The following EHD1 variants were observed in gnomAD, a reference collection of about 807,000 sequenced individuals.
EHD1 encodes EH domain containing 1.
Under a neutral mutation model 39.0 loss-of-function variants are expected in EHD1, and 19 were observed. The ratio of observed to expected loss-of-function variants is 0.49; its 90% CI spans 0.34 to 0.72. EHD1 has a LOEUF of 0.72. Ranked by LOEUF, EHD1 falls within the 30% of genes least tolerant of loss-of-function variation. EHD1 has a pLI of 0.01. For synonymous variants in EHD1, 323 were observed against 331.2 expected (o/e 0.98, Z 0.27); for missense variants, 542 against 751.5 (o/e 0.72, Z 3.26).
chr11:64,854,051 C>CA lies in EHD1; in HGVS notation c.*281dup. 1.9e-6 allele frequency: 1 copy of CA among 539,220 alleles called. No homozygotes were observed. Among genetic ancestry groups the CA allele is most frequent in the Non-Finnish European group, 3.2e-6 (1 of 307,900 alleles). 33.4% of individuals were successfully genotyped at this position (539,220 alleles called of 1,614,324 possible). A position where few individuals can be genotyped will look rare whatever the true frequency, so the allele number is the denominator to read the frequency against. ...AAGGCCGGGGGGCAGAGGCCGTGCA[C>CA]ACAGGGCTGGCACACAGGGGAGGCG... On this transcript the variant is annotated 3_prime_UTR_variant, in exon 5 of 5. Coordinates refer to ENST00000320631, the MANE Select transcript of EHD1 (RefSeq NM_006795.4).
chr11:64,876,799 C>A (rs1386929383), intron 1 of EHD1, among the ~76,000 whole-genome samples: 1 of 152,248 alleles, frequency 6.6e-6, no homozygotes, highest in Non-Finnish European at 1.5e-5. Flanking sequence ...GAAGAGGACT[C>A]CGCCTCTTCA....
chr11:64,873,840 C>A (rs570070451), intron 2 of EHD1, among the ~76,000 whole-genome samples: 5 of 151,884 alleles, frequency 3.3e-5, no homozygotes, highest in South Asian at 2.1e-4. Context: ...ACACGCCCAG[C>A]TAATTTTTTC....
chr11:64,860,854 T>G (rs1219023386), intron 2 of EHD1, among the ~76,000 whole-genome samples: 1 of 151,928 alleles, frequency 6.6e-6, no homozygotes, highest in Non-Finnish European at 1.5e-5. Flanking sequence ...GCCCTGTCTC[T>G]ACTGAAAATA....
Position 64,859,775 on chromosome 11 carries a change from T to TG in EHD1, c.915+148dup, listed in dbSNP as rs1943692418. The TG allele has an allele frequency of 9.5e-6, 11 of 1,159,426 alleles. No homozygotes were observed. In the Admixed American group the frequency reaches 1.7e-4, roughly 18 times the overall value. 71.8% of individuals were successfully genotyped at this position (1,159,426 alleles called of 1,614,324 possible). ...CTGCACGCGGGTGCTGACCAAAGAC[T>TG]GGTTTCTATAGAGGGAAACAGCGCA... On this transcript the variant is annotated intron_variant, in intron 3 of 4. Transcript: ENST00000320631.
chr11:64,866,809 T>C (rs966335793), intron 2 of EHD1, among the ~76,000 whole-genome samples: 12 of 152,324 alleles, frequency 7.9e-5, no homozygotes, highest in African/African-American at 2.9e-4. Context: ...CATGTACTCC[T>C]GAACCTAAAA....
chr11:64,860,341 G>A lies in EHD1; in HGVS notation c.503-5C>T. 5 of 1,605,922 alleles carry A rather than the reference G, an allele frequency of 3.1e-6. No homozygotes were observed. Among genetic ancestry groups the A allele is most frequent in the Non-Finnish European group, 4.3e-6 (5 of 1,173,840 alleles). On this transcript the variant is annotated splice_region_variant and splice_polypyrimidine_tract_variant and intron_variant, in intron 2 of 4. Coordinates refer to ENST00000320631, the MANE Select transcript of EHD1 (RefSeq NM_006795.4). ...GGACGGCTGCAAAGTCATAGCCTGG[G>A]GGGAAGAGAAGGGAGAGCTCAGGGG...
At chr11:64,870,866 G>GGAGAACGGT (rs1943821743) in intron 2 of EHD1, among the ~76,000 whole-genome samples, 1 of 152,206 alleles carries the variant, frequency 6.6e-6, no homozygotes, top group Non-Finnish European at 1.5e-5. Context: ...TGCTGACACA[G>GGAGAACGGT]GAGAACGGTA....
At chr11:64,873,679 A>G (rs1436862331) in intron 2 of EHD1, among the ~76,000 whole-genome samples, 1 of 146,012 alleles carries the variant, frequency 6.8e-6, no homozygotes, top group Non-Finnish European at 1.5e-5. Context: ...TTACTCGGAC[A>G]CTTTTTTTTT....
chr11:64,870,475 A>G (rs535642595), intron 2 of EHD1, among the ~76,000 whole-genome samples: 10 of 152,336 alleles, frequency 6.6e-5, no homozygotes, highest in South Asian at 4.1e-4. Flanking sequence ...TGATAACTCA[A>G]TGGAACTCAC....
At chr11:64,855,658 G>C in intron 3 of EHD1, 172 bp from the exon 4 acceptor site, 1 of 903,440 alleles carries the variant, frequency 1.1e-6, no homozygotes, top group East Asian at 2.6e-5. Context: ...AGTCCTAGGA[G>C]CAGACACAAT....
chr11:64,868,217 G>A lies in EHD1; in HGVS notation c.502+6204C>T, dbSNP rs550721103. On this transcript the variant is annotated intron_variant, in intron 2 of 4. Transcript: ENST00000320631. The surrounding 1 kb of genome is among the most constrained non-coding windows in gnomAD (Gnocchi z 4.2). ...TGTCATTCAAGCTGCGTGGGCTTCA[G>A]TATTTCTCGCCCTAGCTCTCCATCA... Among the ~76,000 whole-genome samples, 2 of 152,350 alleles carry A rather than the reference G, an allele frequency of 1.3e-5. No homozygotes were observed. The highest frequency in any genetic ancestry group is 1.3e-4 in the Admixed American group (2 of 15,298).
intron 2 of EHD1, 24 bp downstream of exon 2, chr11:64,874,397 C>T (rs751073114): frequency 2.4e-5 from 37 of 1,567,854 alleles, no homozygotes; most frequent in African/African-American, 6.8e-5. Context: ...ACCAGCAGCC[C>T]GAGCTGTGGT....
In EHD1 at chr11:64,878,536, G is replaced by A; in HGVS notation, c.-72C>T. 1.3e-6 allele frequency: 2 copies of A among 1,491,518 alleles called. No individual in the cohort carries two copies. The highest frequency in any genetic ancestry group is 1.3e-5 in the South Asian group (1 of 76,936). The allele number at this position is 1,491,518 out of a possible 1,614,324, so 92.4% of individuals were successfully genotyped here. ...GAGCGGGGCGAGGGTGCGGAGCCGA[G>A]GCGGGGCCGGCCGGGGCAGGGAATC... On this transcript the variant is annotated 5_prime_UTR_variant, in exon 1 of 5. Coordinates refer to ENST00000320631, the MANE Select transcript of EHD1 (RefSeq NM_006795.4).
At chr11:64,854,893 G>A (rs1359498863) in intron 4 of EHD1, 36 bp from the exon 5 acceptor site, 2 of 1,583,902 alleles carry the variant, frequency 1.3e-6, no homozygotes, top group Admixed American at 1.7e-5. Flanking sequence ...GGCTGGGAAG[G>A]GAGGCCCCTC....
At chr11:64,874,848 G>A (rs1943868725) in intron 1 of EHD1, among the ~76,000 whole-genome samples, 1 of 152,230 alleles carries the variant, frequency 6.6e-6, no homozygotes, top group South Asian at 2.1e-4. Flanking sequence ...TCAGTTCGGA[G>A]GGGAAGCAGA....
upstream of EHD1, chr11:64,878,930 C>T: frequency 9.8e-7 from 1 of 1,015,374 alleles, no homozygotes; most frequent in Non-Finnish European, 1.2e-6. Context: ...CTGGGCCGCG[C>T]GCCTTCCGGC....
chr11:64,872,865 C>G (rs1013098369), intron 2 of EHD1, among the ~76,000 whole-genome samples: 1 of 152,254 alleles, frequency 6.6e-6, no homozygotes, highest in African/African-American at 2.4e-5. Context: ...ATCCTAGCTG[C>G]CGGCTTTGAC....
At chr11:64,878,654 G>C (rs1943918290), upstream of EHD1, 1 of 1,384,768 alleles carries the variant, frequency 7.2e-7, no homozygotes, top group Middle Eastern at 2.7e-4. Context: ...GCCTTTATAG[G>C]GTCGGTCCCT....
chr11:64,869,909 C>T (rs932865956), intron 2 of EHD1, among the ~76,000 whole-genome samples: 3 of 152,264 alleles, frequency 2.0e-5, no homozygotes, highest in Non-Finnish European at 2.9e-5. Flanking sequence ...GCCTCTGGGC[C>T]GGAGGGCTCA....
Sources: allele counts gnomAD v4.1 joint callset (sites outside exome capture counted in the v4.1 genomes callset), GRCh38; gene constraint gnomAD v4.1.1; non-coding constraint Gnocchi (gnomAD v3.1); transcripts MANE v1.5; gene names NCBI Gene and HGNC (gene_info 2026-07-23, HGNC 2026-07-21).